The following VIT variants were observed in gnomAD, a reference collection of about 807,000 sequenced individuals.
VIT encodes vitrin.
In VIT, 99 loss-of-function variants were observed where a neutral mutation model predicts 78.0. That is an observed-to-expected ratio of 1.27 (90% CI 1.08 to 1.50). The LOEUF (loss-of-function observed/expected upper bound fraction) is 1.50, where lower values mean the gene tolerates loss of function less well. Among genes scored for constraint, VIT ranks in the 40% most tolerant of loss-of-function variants. The pLI is 0.00. For synonymous variants in VIT, 374 were observed against 334.3 expected, an observed-to-expected ratio of 1.12 and a Z score of -1.29; for missense variants, 1,126 against 875.3, an observed-to-expected ratio of 1.29 and a Z score of -3.61.
At chr2:36,728,462 A>T (rs1209926026) in intron 2 of VIT, among the ~76,000 whole-genome samples, 1 of 152,156 alleles carries the variant, frequency 6.6e-6, no homozygotes, top group African/African-American at 2.4e-5. Context: ...ACAGTTAAAA[A>T]ATTAAAAAGT....
chr2:36,754,612 T>G (rs1212949618), intron 4 of VIT, among the ~76,000 whole-genome samples: 1 of 152,184 alleles, frequency 6.6e-6, no homozygotes, highest in East Asian at 1.9e-4. Flanking sequence ...GAGGCTTTAC[T>G]TAAAAGAGCT....
At chr2:36,698,813 G>A (rs191344233) in intron 1 of VIT, among the ~76,000 whole-genome samples, 333 of 151,994 alleles carry the variant, frequency 2.2e-3, no homozygotes, top group African/African-American at 7.6e-3. Flanking sequence ...GCATGATGGC[G>A]GGTGCCTGTA....
Position 36,773,861 on chromosome 2 carries a change from C to T in VIT, c.736+14C>T, listed in dbSNP as rs1442788636. 2.5e-6 allele frequency: 4 copies of T among 1,583,444 alleles called. No homozygotes were observed. The highest frequency in any genetic ancestry group is 1.7e-5 in the Admixed American group (1 of 58,498). On this transcript the variant is annotated intron_variant, in intron 8 of 15. Transcript: ENST00000379242. ...GAGCTGATCCAGGTAAGACCTTAAA[C>T]TCCCTTTCCAGCCACTGATGAAAGT...
At chr2:36,753,454 A>G (rs1037075272) in intron 4 of VIT, among the ~76,000 whole-genome samples, 3 of 152,226 alleles carry the variant, frequency 2.0e-5, no homozygotes, top group African/African-American at 7.2e-5. Context: ...TATCCTTTCT[A>G]TAAGAAATAT....
At chr2:36,752,902 G>A (rs905473380) in intron 4 of VIT, among the ~76,000 whole-genome samples, 1 of 152,170 alleles carries the variant, frequency 6.6e-6, no homozygotes, top group Non-Finnish European at 1.5e-5. Context: ...AAAGATACAT[G>A]CATACATATG....
At chr2:36,783,512 A>G (rs2148625242) in intron 11 of VIT, 110 bp downstream of exon 11, 1 of 1,040,928 alleles carries the variant, frequency 9.6e-7, no homozygotes, top group Non-Finnish European at 1.4e-6. Flanking sequence ...CCGTGGATCT[A>G]TTTATCTCCT....
At chr2:36,790,253 G>C (rs1356816240) in intron 12 of VIT, among the ~76,000 whole-genome samples, 1 of 152,158 alleles carries the variant, frequency 6.6e-6, no homozygotes, top group African/African-American at 2.4e-5. Flanking sequence ...GGAAAGGAAA[G>C]TGTTCACAGG....
At chr2:36,802,405 T>C (rs188077074) in intron 13 of VIT, among the ~76,000 whole-genome samples, 3 of 152,220 alleles carry the variant, frequency 2.0e-5, no homozygotes, top group African/African-American at 4.8e-5. Flanking sequence ...TTAGAGTACA[T>C]GCAGGGAATT....
chr2:36,699,497 A>C (rs1664886853), intron 1 of VIT, among the ~76,000 whole-genome samples: 1 of 139,108 alleles, frequency 7.2e-6, no homozygotes, highest in Non-Finnish European at 1.6e-5. Flanking sequence ...TATATTCTTC[A>C]CAAGACAATT....
At chr2:36,763,205 C>T (rs570129038) in intron 6 of VIT, among the ~76,000 whole-genome samples, 10 of 152,124 alleles carry the variant, frequency 6.6e-5, no homozygotes, top group South Asian at 2.1e-4. Context: ...AGAATCTCCA[C>T]GACCAGGGCC....
At chr2:36,810,166 C>T (rs2148686050) in intron 15 of VIT, among the ~76,000 whole-genome samples, 1 of 152,246 alleles carries the variant, frequency 6.6e-6, no homozygotes, top group South Asian at 2.1e-4. Context: ...AGGCACACGC[C>T]TGTAATCCCA....
intron 15 of VIT, among the ~76,000 whole-genome samples, chr2:36,810,049 T>A (rs1283989569): frequency 6.7e-6 from 1 of 148,188 alleles, no homozygotes; most frequent in East Asian, 2.0e-4. Flanking sequence ...CCCAGCACTT[T>A]GGGAGGCTGA....
rs749151411 is a variant in VIT at position 36,808,923 on chromosome 2, T to C, written c.1841T>C (p.Leu614Pro). ...CCCAACAAGAGGAAGTTAATGATCC[T>C]CATCACCGACGGGAGGTCCTACGAC... ...SKPNKRKLMI[L>P]ITDGRSYDDV... The change falls in exon 15 of 16, where the codon CTC (leucine) becomes CCC (proline). Residue 614 changes from leucine to proline, a missense_variant. Transcript: ENST00000379242. 1.2e-5 allele frequency: 19 copies of C among 1,613,464 alleles called. No individual in the cohort carries two copies. Among genetic ancestry groups the C allele is most frequent in the Non-Finnish European group, 4.2e-6 (5 of 1,179,648 alleles).
chr2:36,809,125 G>C, intron 15 of VIT, 140 bp downstream of exon 15: 1 of 1,208,308 alleles, frequency 8.3e-7, no homozygotes, highest in Non-Finnish European at 1.1e-6. Flanking sequence ...CGCAGGGAGG[G>C]CATTAGGGGT....
chr2:36,776,138 C>T (rs1282269844), intron 9 of VIT, among the ~76,000 whole-genome samples: 2 of 152,162 alleles, frequency 1.3e-5, no homozygotes, highest in African/African-American at 4.8e-5. Context: ...ATTCCCAGCC[C>T]CTTCATTTGG....
intron 4 of VIT, among the ~76,000 whole-genome samples, chr2:36,747,598 A>G (rs566481947): frequency 6.6e-6 from 1 of 151,988 alleles, no homozygotes; most frequent in South Asian, 2.1e-4. Flanking sequence ...AAGAATAGTG[A>G]CCTCTGTAGA....
chr2:36,812,435 G>A (rs1194985223), intron 15 of VIT, among the ~76,000 whole-genome samples: 1 of 152,080 alleles, frequency 6.6e-6, no homozygotes, highest in Non-Finnish European at 1.5e-5. Flanking sequence ...GTAGAGTAAG[G>A]TCAAGCACCT....
intron 13 of VIT, among the ~76,000 whole-genome samples, chr2:36,804,693 G>T (rs1666577302): frequency 6.6e-6 from 1 of 152,162 alleles, no homozygotes; most frequent in Non-Finnish European, 1.5e-5. Context: ...AGCTGGGTGT[G>T]GTGGTGCGTG....
intron 10 of VIT, 140 bp from the exon 11 acceptor site, chr2:36,783,200 G>A: frequency 1.6e-6 from 1 of 637,912 alleles, no homozygotes; most frequent in East Asian, 2.7e-5. Context: ...TCAGGATGGG[G>A]GTGATGTGAA....
Sources: gnomAD v4.1 joint callset for allele counts (sites outside exome capture counted in the v4.1 genomes callset) on GRCh38, gnomAD v4.1.1 for gene constraint, MANE v1.5 for transcripts, NCBI Gene and HGNC (gene_info 2026-07-23, HGNC 2026-07-21) for gene names.